The following SIL1 variants were observed in gnomAD, a reference collection of about 807,000 sequenced individuals.
SIL1 encodes nucleotide exchange factor SIL1.
Under a neutral mutation model 49.1 loss-of-function variants are expected in SIL1, and 40 were observed. The ratio of observed to expected loss-of-function variants is 0.81; its 90% CI spans 0.63 to 1.06. The LOEUF (loss-of-function observed/expected upper bound fraction) is 1.06. Ranked by LOEUF, SIL1 falls within the 50% of genes least tolerant of loss-of-function variation. SIL1 has a pLI of 0.00. For synonymous variants in SIL1, 253 were observed against 250.8 expected, an observed-to-expected ratio of 1.01 and a Z score of -0.08; for missense variants, 500 against 572.6, an observed-to-expected ratio of 0.87 and a Z score of 1.29.
rs1367858498 is a variant in SIL1, at chr5:139,121,169, T to G, written c.110A>C (p.Glu37Ala). Residue 37 changes from glutamate to alanine, a missense_variant, in exon 3 of 10, where the codon GAG becomes GCG. Physicochemically the swap from Glu to Ala is moderately radical, Grantham distance 107 (BLOSUM62 -1). Transcript: ENST00000394817. ...TFCLSHQNLK[E>A]FALTNPEKSS... ...CTTCTCTGGGTTGGTCAGGGCAAAC[T>G]CCTTCTGAGAAAAGAAAACACAGGG... The G allele has an allele frequency of 6.2e-7, 1 of 1,613,908 alleles. No homozygotes were observed. Among genetic ancestry groups the G allele is most frequent in the South Asian group, 1.1e-5 (1 of 91,074 alleles).
chr5:139,156,156 T>TTC (rs1461871286), intron 1 of SIL1, among the ~76,000 whole-genome samples: 1 of 152,200 alleles, frequency 6.6e-6, no homozygotes, highest in African/African-American at 2.4e-5. Context: ...TAATAATGCT[T>TTC]TCTGGATACC....
chr5:139,159,468 A>G (rs1751466369), intron 1 of SIL1, among the ~76,000 whole-genome samples: 1 of 152,204 alleles, frequency 6.6e-6, no homozygotes, highest in Non-Finnish European at 1.5e-5. Flanking sequence ...GAAGAGTCTT[A>G]TTGCACCAGG....
intron 3 of SIL1, among the ~76,000 whole-genome samples, chr5:139,063,683 G>T (rs1398742960): frequency 1.3e-5 from 2 of 152,226 alleles, no homozygotes; most frequent in Admixed American, 1.3e-4. Context: ...AGTTAAATGT[G>T]TCTGTTTCCC....
chr5:139,127,978 T>A (rs895598892), intron 1 of SIL1, 125 bp from the exon 2 acceptor site: 2 of 706,106 alleles, frequency 2.8e-6, no homozygotes, highest in African/African-American at 3.5e-5. Context: ...GTATAACGAG[T>A]CTTCTACCAC....
intron 7 of SIL1, 174 bp downstream of exon 7, chr5:139,020,997 A>T: frequency 2.4e-6 from 2 of 820,430 alleles, no homozygotes; most frequent in Non-Finnish European, 2.0e-6. Flanking sequence ...AGATGGTGAC[A>T]ACATGGGTAA....
chr5:138,976,375 C>T (rs1212428406), intron 7 of SIL1, among the ~76,000 whole-genome samples: 1 of 149,106 alleles, frequency 6.7e-6, no homozygotes, highest in Non-Finnish European at 1.5e-5. Context: ...TGCAGTGGCA[C>T]GATCTCAGCT....
chr5:138,947,813 C>A lies in SIL1; in HGVS notation c.1030-340G>T, dbSNP rs992974690. Among the ~76,000 whole-genome samples the A allele has an allele frequency of 6.6e-6, 1 of 152,210 alleles. No individual in the cohort carries two copies. Among genetic ancestry groups the A allele is most frequent in the Non-Finnish European group, 1.5e-5 (1 of 68,038 alleles). ...TGCAGCATGGAGGCAGACAGGCTGG[C>A]TTCAAATTCCTGCTCCACCACTGAC... On this transcript the variant is annotated intron_variant, in intron 9 of 9. Transcript: ENST00000394817. This position sits in a 1 kb window ranked among gnomAD's most constrained non-coding sequence, Gnocchi z 4.1.
chr5:139,151,444 A>C (rs10900857), intron 1 of SIL1, among the ~76,000 whole-genome samples: 60,541 of 152,054 alleles, frequency 0.4, 13,209 homozygotes, highest in South Asian at 0.52. Flanking sequence ...TACTTTAACA[A>C]CACCTCCTGT....
At chr5:139,136,502 C>T (rs573479549) in intron 1 of SIL1, among the ~76,000 whole-genome samples, 4 of 152,208 alleles carry the variant, frequency 2.6e-5, no homozygotes, top group African/African-American at 9.6e-5. Context: ...CATGGCTGCA[C>T]GTTAGGAAAA....
chr5:139,055,882 G>T (rs1410684524), intron 3 of SIL1, among the ~76,000 whole-genome samples: 2 of 151,870 alleles, frequency 1.3e-5, no homozygotes, highest in African/African-American at 4.8e-5. Context: ...TGTGTTGGCC[G>T]GGCCAGTCTC....
chr5:139,160,420 G>A (rs973393765), intron 1 of SIL1, among the ~76,000 whole-genome samples: 16 of 152,162 alleles, frequency 1.1e-4, no homozygotes, highest in African/African-American at 3.6e-4. Flanking sequence ...AATGATTTTT[G>A]AGCCCAAAGT....
intron 3 of SIL1, among the ~76,000 whole-genome samples, chr5:139,053,148 C>T (rs909743591): frequency 6.6e-6 from 1 of 152,112 alleles, no homozygotes; most frequent in African/African-American, 2.4e-5. Flanking sequence ...CCCAAACTGA[C>T]AAGACAATAG....
At chr5:139,040,878 CACTAATTGAATT>C (rs1299581976) in intron 5 of SIL1, among the ~76,000 whole-genome samples, 9 of 152,130 alleles carry the variant, frequency 5.9e-5, no homozygotes, top group African/African-American at 2.2e-4. Context: ...TACTTTTCTA[CACTAATTGAATT>C]ACTGGGGTGG....
intron 3 of SIL1, among the ~76,000 whole-genome samples, chr5:139,119,745 A>G (rs1581114870): frequency 6.6e-6 from 1 of 152,312 alleles, no homozygotes; most frequent in Non-Finnish European, 1.5e-5. Flanking sequence ...TGGGTGACAG[A>G]GCAAGACCCT....
chr5:138,951,224 C>A lies in SIL1; in HGVS notation c.976G>T (p.Glu326Ter). 6.2e-7 allele frequency: 1 copy of A among 1,607,572 alleles called. No homozygotes were observed. Among genetic ancestry groups the A allele is most frequent in the African/African-American group, 1.3e-5 (1 of 74,928 alleles). Residue 326 changes from glutamate (E) to a stop codon, truncating the protein, a stop_gained, in exon 9 of 10, where the codon GAG (glutamate) becomes TAG (stop). Coordinates refer to ENST00000394817, the MANE Select transcript of SIL1 (RefSeq NM_022464.5). LOFTEE classifies it high-confidence loss of function. ...LRTLVQEKGT[E>*]VLAVRVVTLL... ...GTGACCACGCGCACGGCGAGCACCT[C>A]CGTGCCCTTCTCCTGCACCAGGGTC...
intron 2 of SIL1, 110 bp downstream of exon 2, chr5:139,127,629 A>G (rs1750779534): frequency 1.2e-6 from 1 of 851,060 alleles, no homozygotes; most frequent in South Asian, 1.4e-5. Flanking sequence ...ACACTCACAT[A>G]AGAAAGAAAC....
intron 3 of SIL1, among the ~76,000 whole-genome samples, chr5:139,099,732 T>G (rs1040123058): frequency 6.6e-6 from 1 of 151,934 alleles, no homozygotes; most frequent in Non-Finnish European, 1.5e-5. Context: ...ATCAAAACAA[T>G]TGAACTCATG....
intron 2 of SIL1, among the ~76,000 whole-genome samples, chr5:139,126,502 G>C (rs1008450441): frequency 6.6e-6 from 1 of 152,104 alleles, no homozygotes; most frequent in Admixed American, 6.5e-5. Context: ...GGCCCTGAAG[G>C]TTCTTTTCTG....
chr5:138,991,495 T>C (rs1415560306), intron 7 of SIL1, among the ~76,000 whole-genome samples: 1 of 152,138 alleles, frequency 6.6e-6, no homozygotes, highest in African/African-American at 2.4e-5. Flanking sequence ...CATTCCACAT[T>C]TTGCACACAT....
Sources: allele counts gnomAD v4.1 joint callset (sites outside exome capture counted in the v4.1 genomes callset), GRCh38; gene constraint gnomAD v4.1.1; non-coding constraint Gnocchi (gnomAD v3.1); transcripts MANE v1.5; gene names NCBI Gene and HGNC (gene_info 2026-07-23, HGNC 2026-07-21).